PHACTR1: variants seen among roughly 807,000 people sequenced by gnomAD.
PHACTR1 encodes phosphatase and actin regulator 1.
In PHACTR1, 16 loss-of-function variants were observed where a neutral mutation model predicts 69.2. That is an observed-to-expected ratio of 0.23 (90% confidence interval 0.16 to 0.35). PHACTR1 has a LOEUF of 0.35. PHACTR1 is among the 10% of genes least tolerant of loss of function. The pLI is 1.00. For synonymous variants in PHACTR1, 312 were observed against 284.5 expected, an observed-to-expected ratio of 1.10 and a Z score of -0.97; for missense variants, 510 against 734.7, an observed-to-expected ratio of 0.69 and a Z score of 3.54.
At chr6:13,157,659 T>C (rs1307322816) in intron 5 of PHACTR1, among the ~76,000 whole-genome samples, 2 of 152,224 alleles carry the variant, frequency 1.3e-5, no homozygotes, top group East Asian at 3.8e-4. Flanking sequence ...CTCTCCACTT[T>C]AGTCTGTGGT....
At chr6:12,808,350 A>C (rs143479277) in intron 4 of PHACTR1, among the ~76,000 whole-genome samples, 20 of 152,314 alleles carry the variant, frequency 1.3e-4, no homozygotes, top group African/African-American at 7.2e-5. Context: ...ACATTTCAGG[A>C]GGGCTATTCA....
chr6:12,991,837 A>T (rs1197547553), intron 4 of PHACTR1, among the ~76,000 whole-genome samples: 3 of 152,202 alleles, frequency 2.0e-5, no homozygotes, highest in African/African-American at 7.2e-5. Context: ...TCAAGACCTC[A>T]AATAATGAAA....
At chr6:12,799,456 A>G (rs1773455228) in intron 4 of PHACTR1, among the ~76,000 whole-genome samples, 1 of 152,226 alleles carries the variant, frequency 6.6e-6, no homozygotes, top group South Asian at 2.1e-4. Context: ...AAAAAGAACT[A>G]TATTGTCTTC....
At chr6:12,823,952 C>T (rs1776493966) in intron 4 of PHACTR1, among the ~76,000 whole-genome samples, 1 of 152,104 alleles carries the variant, frequency 6.6e-6, no homozygotes, top group South Asian at 2.1e-4. Context: ...CTATTGCCTA[C>T]CTCAGAGGTC....
chr6:12,830,986 AG>A (rs1777508876), intron 4 of PHACTR1, among the ~76,000 whole-genome samples: 1 of 152,198 alleles, frequency 6.6e-6, no homozygotes, highest in Admixed American at 6.5e-5. Context: ...GTAGTGGCGA[AG>A]TCTTGGCTTT....
chr6:13,083,061 G>A (rs1811669955), intron 5 of PHACTR1, among the ~76,000 whole-genome samples: 1 of 152,092 alleles, frequency 6.6e-6, no homozygotes. Flanking sequence ...TTTCTTCTAG[G>A]GTTTTTATGG....
At chr6:13,213,159 G>A (rs951919358) in intron 8 of PHACTR1, among the ~76,000 whole-genome samples, 1 of 152,200 alleles carries the variant, frequency 6.6e-6, no homozygotes, top group Non-Finnish European at 1.5e-5. Context: ...CATAGCTGCA[G>A]TGATATTCTT....
At chr6:13,252,346 A>T (rs139222618) in intron 10 of PHACTR1, among the ~76,000 whole-genome samples, 2,147 of 151,498 alleles carry the variant, frequency 0.014, 46 homozygotes, top group African/African-American at 0.048. Context: ...AAAAAAAAGA[A>T]AAAGGAAAGA....
In PHACTR1 at chr6:13,195,391, T is replaced by C. The variant is rs377130450; in HGVS notation, c.665-10424T>C. Among the ~76,000 whole-genome samples the C allele has an allele frequency of 5.9e-5, 9 of 152,318 alleles. No individual in the cohort carries two copies. The East Asian group carries it at 1.7e-3, about 29-fold the overall frequency. On this transcript the variant is annotated intron_variant, in intron 7 of 14. Coordinates refer to ENST00000332995, the MANE Select transcript of PHACTR1 (RefSeq NM_030948.6). The stretch of plus-strand genomic sequence containing the variant: ...CCTTTATTCATTGGGCACTAAGTGC[T>C]GTGCTCATTGACAAGTAACTGCCGA...
rs140712841 is a variant in PHACTR1, at chr6:12,772,584, T to C, written c.250+22794T>C. On this transcript the variant is annotated intron_variant, in intron 4 of 14. Transcript: ENST00000332995. ...TCCTGCATTCATCTGTTAAGTAACA[T>C]TTTCTCTCCCATAGTACTCAGACCA... Among the ~76,000 whole-genome samples, 963 of 152,288 alleles carry C rather than the reference T, an allele frequency of 6.3e-3. 13 individuals are homozygous for C. Among genetic ancestry groups the C allele is most frequent in the African/African-American group, 0.022 (922 of 41,560 alleles).
rs200844844 is a variant in PHACTR1, at chr6:12,944,783, A to G, written c.251-108582A>G. Among the ~76,000 whole-genome samples the G allele has an allele frequency of 1.2e-3, 140 of 119,380 alleles. 2 individuals are homozygous for G. Among genetic ancestry groups the G allele is most frequent in the African/African-American group, 4.6e-3 (137 of 29,524 alleles). 78.3% of individuals were successfully genotyped at this position (119,380 alleles called of 152,430 possible). On this transcript the variant is annotated intron_variant, in intron 4 of 14. Coordinates refer to ENST00000332995, the MANE Select transcript of PHACTR1 (RefSeq NM_030948.6). ...TTTATTTATTTATTTATTTATTTTTATTTATTTTTTTTTTTTTGAGACGGA... is the reference window on the plus strand; with the variant it reads ...TTTATTTATTTATTTATTTATTTTTGTTTATTTTTTTTTTTTTGAGACGGA...
At chr6:13,208,636 C>A (rs1028759108) in intron 8 of PHACTR1, among the ~76,000 whole-genome samples, 5 of 151,096 alleles carry the variant, frequency 3.3e-5, no homozygotes, top group African/African-American at 4.9e-5. Context: ...TGCCCACCCC[C>A]CCAACCCCAT....
rs533505825 is a variant in PHACTR1, at chr6:13,284,955, A to C, written c.1651-1191A>C. On this transcript the variant is annotated intron_variant, in intron 13 of 14. Transcript: ENST00000332995. ...AGCATTCACATCTTCTCTGCAAGGGAATTTGTGGGAGCAACCCAGGAACTG... is the reference window on the plus strand; with the variant it reads ...AGCATTCACATCTTCTCTGCAAGGGCATTTGTGGGAGCAACCCAGGAACTG... Among the ~76,000 whole-genome samples, 8 of 152,186 alleles carry C rather than the reference A, an allele frequency of 5.3e-5. No individual in the cohort carries two copies. In the South Asian group the frequency reaches 1.7e-3, roughly 32 times the overall value.
At chr6:13,157,951 C>G in intron 5 of PHACTR1, among the ~76,000 whole-genome samples, 1 of 152,046 alleles carries the variant, frequency 6.6e-6, no homozygotes, top group East Asian at 1.9e-4. Flanking sequence ...GGCACAATCT[C>G]GCTCACTGCA....
Position 13,228,052 on chromosome 6 carries a change from C to T in PHACTR1, c.1223C>T (p.Ser408Leu), listed in dbSNP as rs1490566748. 1.9e-6 allele frequency: 3 copies of T among 1,611,548 alleles called. No individual in the cohort carries two copies. Among genetic ancestry groups the T allele is most frequent in the South Asian group, 2.2e-5 (2 of 91,056 alleles). ...GAGGAGGACGAAGACGACGACAGCT[C>T]ATTATACACCAGTGCGTTCATCTTA... ...EEEEDEDDDSSLYTSSLAMKV... is the reference protein window; with the variant it reads ...EEEEDEDDDSLLYTSSLAMKV... The change falls in exon 9 of 15, where the codon TCA becomes TTA. Residue 408 changes from serine to leucine, a missense_variant. Ser to Leu is a moderately radical substitution (Grantham distance 145, BLOSUM62 -2). Transcript: ENST00000332995.
chr6:13,057,625 A>G (rs1287686325), intron 5 of PHACTR1, among the ~76,000 whole-genome samples: 2 of 152,224 alleles, frequency 1.3e-5, no homozygotes, highest in Non-Finnish European at 2.9e-5. Flanking sequence ...GTACCTTTAT[A>G]CAAGGAATAA....
At chr6:13,112,503 T>C (rs1490820145) in intron 5 of PHACTR1, among the ~76,000 whole-genome samples, 2 of 152,168 alleles carry the variant, frequency 1.3e-5, no homozygotes, top group African/African-American at 2.4e-5. Context: ...CCACCAGTAG[T>C]GTATAAGTGT....
At chr6:12,972,045 T>C (rs1195010701) in intron 4 of PHACTR1, among the ~76,000 whole-genome samples, 1 of 151,296 alleles carries the variant, frequency 6.6e-6, no homozygotes, top group Admixed American at 6.6e-5. Context: ...TTATTTCATT[T>C]AAACTTCACA....
chr6:12,841,363 G>A (rs776796890), intron 4 of PHACTR1, among the ~76,000 whole-genome samples: 1 of 151,460 alleles, frequency 6.6e-6, no homozygotes, highest in Non-Finnish European at 1.5e-5. Context: ...TACCATAGTT[G>A]CACTAGGATG....
Sources: gnomAD v4.1 joint callset for allele counts (sites outside exome capture counted in the v4.1 genomes callset) on GRCh38, gnomAD v4.1.1 for gene constraint, MANE v1.5 for transcripts, NCBI Gene and HGNC (gene_info 2026-07-23, HGNC 2026-07-21) for gene names.